The following PPP2R5C variants were observed in gnomAD, a reference collection of about 807,000 sequenced individuals.
PPP2R5C encodes the protein serine/threonine-protein phosphatase 2A 56 kDa regulatory subunit gamma isoform.
In PPP2R5C, 7 loss-of-function variants were observed where a neutral mutation model predicts 68.9. The observed-to-expected ratio is 0.10, with a 90% CI of 0.06 to 0.19. The LOEUF (loss-of-function observed/expected upper bound fraction) is 0.19. Among genes scored for constraint, PPP2R5C ranks in the 10% least tolerant of loss-of-function variants. PPP2R5C has a pLI of 1.00. For missense variants in PPP2R5C, 348 were observed against 641.3 expected, an observed-to-expected ratio of 0.54 and a Z score of 4.94; for synonymous variants, 210 against 222.2, an observed-to-expected ratio of 0.95 and a Z score of 0.49.
At chr14:101,875,916 TG>T (rs1184960013) in intron 2 of PPP2R5C, among the ~76,000 whole-genome samples, 3 of 152,306 alleles carry the variant, frequency 2.0e-5, no homozygotes, top group Non-Finnish European at 4.4e-5. Flanking sequence ...ATCAAGGCCT[TG>T]TAACTAGGTC....
chr14:101,883,343 A>G, exon 4 of PPP2R5C: 1 of 1,603,646 alleles, frequency 6.2e-7, no homozygotes, highest in South Asian at 1.1e-5. Context: ...AGAAGTTTGT[A>G]TTGCAGGTAA....
chr14:101,874,813 C>G (rs1315808111), intron 2 of PPP2R5C, among the ~76,000 whole-genome samples: 1 of 152,074 alleles, frequency 6.6e-6, no homozygotes, highest in African/African-American at 2.4e-5. Context: ...GATCTCAGCT[C>G]ACTGCAACCT....
chr14:101,785,202 T>C (rs141699421), intron 2 of PPP2R5C, among the ~76,000 whole-genome samples: 1,828 of 152,208 alleles, frequency 0.012, 23 homozygotes, highest in Non-Finnish European at 0.018. Context: ...GCTTTGGGTG[T>C]TCAAGACTGA....
chr14:101,907,764 GCA>G (rs1346964574), intron 10 of PPP2R5C, among the ~76,000 whole-genome samples: 1 of 152,132 alleles, frequency 6.6e-6, no homozygotes, highest in Admixed American at 6.5e-5. Context: ...TGGCTGTGCT[GCA>G]CAGTCACCCT....
intron 7 of PPP2R5C, 117 bp from the exon 10 acceptor site, chr14:101,894,390 T>C: frequency 1.2e-6 from 1 of 852,866 alleles, no homozygotes; most frequent in Non-Finnish European, 1.9e-6. Flanking sequence ...ACAAGGGCTT[T>C]GTCTGTACCG....
intron 1 of PPP2R5C, among the ~76,000 whole-genome samples, chr14:101,842,164 T>C (rs188942743): frequency 6.6e-6 from 1 of 152,136 alleles, no homozygotes; most frequent in Non-Finnish European, 1.5e-5. Context: ...AATAAAAATA[T>C]CAAATCTTTA....
intron 3 of PPP2R5C, among the ~76,000 whole-genome samples, chr14:101,802,796 A>T (rs1177036602): frequency 2.6e-5 from 4 of 152,164 alleles, no homozygotes; most frequent in African/African-American, 4.8e-5. Context: ...GATTTTTTAA[A>T]TGTGTGAAAT....
chr14:101,909,144 T>A (rs1482935792), intron 10 of PPP2R5C, among the ~76,000 whole-genome samples: 1 of 152,240 alleles, frequency 6.6e-6, no homozygotes, highest in Non-Finnish European at 1.5e-5. Context: ...TGTTTTATGC[T>A]CATTTTATTT....
chr14:101,897,886 G>A (rs910662135), intron 8 of PPP2R5C, among the ~76,000 whole-genome samples: 5 of 152,118 alleles, frequency 3.3e-5, no homozygotes, highest in African/African-American at 7.2e-5. Flanking sequence ...TGGGCACAGT[G>A]GCTCATGCCC....
At chr14:101,896,754 T>C (rs951397991) in intron 8 of PPP2R5C, among the ~76,000 whole-genome samples, 27 of 152,124 alleles carry the variant, frequency 1.8e-4, no homozygotes, top group African/African-American at 6.5e-4. Flanking sequence ...TAAGGAATGT[T>C]AGGAACCAAT....
chr14:101,789,215 T>C (rs2038252790), intron 3 of PPP2R5C, among the ~76,000 whole-genome samples: 1 of 152,254 alleles, frequency 6.6e-6, no homozygotes, highest in Non-Finnish European at 1.5e-5. Flanking sequence ...ATTCTGCCAC[T>C]AAGAAGGACC....
intron 13 of PPP2R5C, among the ~76,000 whole-genome samples, chr14:101,918,562 CCACCCCTCAGCCT>C (rs2046830249): frequency 1.3e-4 from 1 of 7,646 alleles, no homozygotes; most frequent in Admixed American, 9.8e-4. Context: ...ACCCCTCCCC[CCACCCCTCAGCCT>C]TCTCCCCTTG....
At chr14:101,892,958 G>C (rs929236257) in intron 6 of PPP2R5C, 42 bp from the exon 9 acceptor site, 2 of 1,395,008 alleles carry the variant, frequency 1.4e-6, no homozygotes, top group Non-Finnish European at 1.0e-6. Context: ...TTAAAACCTG[G>C]AATTCGTAAA....
intron 2 of PPP2R5C, among the ~76,000 whole-genome samples, chr14:101,784,516 G>T (rs982422484): frequency 2.0e-5 from 3 of 149,528 alleles, no homozygotes; most frequent in Non-Finnish European, 3.0e-5. Flanking sequence ...AAAGTGGGGG[G>T]GGGGAACTGC....
intron 1 of PPP2R5C, among the ~76,000 whole-genome samples, chr14:101,762,198 G>T (rs1298205899): frequency 6.6e-6 from 1 of 151,984 alleles, no homozygotes; most frequent in African/African-American, 2.4e-5. Context: ...TGGAGGGAGG[G>T]CGCGGCCCGG....
chr14:101,789,315 G>T (rs2038256622), intron 3 of PPP2R5C, among the ~76,000 whole-genome samples: 1 of 152,228 alleles, frequency 6.6e-6, no homozygotes, highest in South Asian at 2.1e-4. Context: ...TGATGGGAAA[G>T]TGGCTCTTGG....
intron 13 of PPP2R5C, among the ~76,000 whole-genome samples, chr14:101,921,547 G>A (rs1049208814): frequency 1.3e-5 from 2 of 151,704 alleles, no homozygotes; most frequent in African/African-American, 4.8e-5. Context: ...AAAAGGTACC[G>A]GGATGCAGGA....
At chr14:101,895,312 TGTG>T (rs1407468771) in intron 8 of PPP2R5C, among the ~76,000 whole-genome samples, 2 of 152,192 alleles carry the variant, frequency 1.3e-5, no homozygotes, top group African/African-American at 4.8e-5. Context: ...TTTTTTAAAT[TGTG>T]GTAAAATACA....
At chr14:101,840,059 G>A (rs750887484) in intron 1 of PPP2R5C, among the ~76,000 whole-genome samples, 2 of 152,016 alleles carry the variant, frequency 1.3e-5, no homozygotes, top group African/African-American at 2.4e-5. Flanking sequence ...ATACTAAGTT[G>A]TTTCATGTAA....
Sources: gnomAD v4.1 joint callset for allele counts (sites outside exome capture counted in the v4.1 genomes callset) on GRCh38, gnomAD v4.1.1 for gene constraint, MANE v1.5 for transcripts, NCBI Gene and HGNC (gene_info 2026-07-23, HGNC 2026-07-21) for gene names.